DAB1: variants seen among roughly 807,000 people sequenced by gnomAD.
DAB1 encodes the protein DAB adaptor protein 1, also known as disabled homolog 1.
Under a neutral mutation model 64.6 loss-of-function variants are expected in DAB1, and 15 were observed. The observed-to-expected ratio is 0.23, with a 90% confidence interval of 0.16 to 0.36. DAB1 has a LOEUF of 0.36. Ranked by LOEUF, DAB1 falls within the 10% of genes least tolerant of loss-of-function variation. The probability of loss-of-function intolerance (pLI) is 1.00; values close to 1 mark genes in which losing one functional copy is unlikely to be tolerated. For missense variants in DAB1, 596 were observed against 706.7 expected (o/e 0.84, Z 1.78); for synonymous variants, 235 against 251.9 (o/e 0.93, Z 0.64).
intron 6 of DAB1, among the ~76,000 whole-genome samples, chr1:57,750,153 T>C (rs745731059): frequency 6.6e-5 from 10 of 152,318 alleles, no homozygotes; most frequent in East Asian, 5.8e-4. Flanking sequence ...ATGGATCTTT[T>C]CCTGGGATAT....
At chr1:57,986,090 T>C (rs1388322166) in intron 5 of DAB1, among the ~76,000 whole-genome samples, 2 of 152,174 alleles carry the variant, frequency 1.3e-5, no homozygotes, top group African/African-American at 4.8e-5. Flanking sequence ...GAGGCCAGTA[T>C]AGGACACACC....
intron 4 of DAB1, among the ~76,000 whole-genome samples, chr1:57,101,620 T>G (rs577690562): frequency 1.3e-5 from 2 of 152,356 alleles, no homozygotes; most frequent in East Asian, 3.9e-4. Context: ...CAATGCACAC[T>G]GTGGATTACA....
At chr1:58,048,874 C>T (rs1348454541) in intron 5 of DAB1, 2 of 936,882 alleles carry the variant, frequency 2.1e-6, no homozygotes, top group Admixed American at 1.7e-5. Context: ...TTGCCACTGC[C>T]TCAGTCAGTC....
intron 3 of DAB1, among the ~76,000 whole-genome samples, chr1:58,404,660 A>G (rs1644599878): frequency 6.6e-6 from 1 of 152,214 alleles, no homozygotes; most frequent in African/African-American, 2.4e-5. Context: ...GTGTGTTACA[A>G]AAGTTGTAAG....
chr1:57,551,129 G>A (rs796352509), intron 7 of DAB1, among the ~76,000 whole-genome samples: 33 of 152,196 alleles, frequency 2.2e-4, no homozygotes, highest in African/African-American at 7.5e-4. Flanking sequence ...ACAATAGCAC[G>A]TTCGTCTTGA....
intron 2 of DAB1, among the ~76,000 whole-genome samples, chr1:57,288,873 T>A (rs576368332): frequency 1.2e-4 from 18 of 152,274 alleles, no homozygotes; most frequent in Non-Finnish European, 2.2e-4. Flanking sequence ...AAGTAATAAG[T>A]ATTTTATTTG....
At chr1:57,174,013 T>C (rs1377411968) in intron 2 of DAB1, among the ~76,000 whole-genome samples, 1 of 152,208 alleles carries the variant, frequency 6.6e-6, no homozygotes, top group Non-Finnish European at 1.5e-5. Flanking sequence ...TGGTTACTTC[T>C]GCAAGCATCC....
At chr1:57,318,636 C>A (rs1185565544) in intron 1 of DAB1, among the ~76,000 whole-genome samples, 1 of 151,486 alleles carries the variant, frequency 6.6e-6, no homozygotes, top group Non-Finnish European at 1.5e-5. Context: ...TTGGATTCTT[C>A]CACCCTCTAT....
intron 7 of DAB1, among the ~76,000 whole-genome samples, chr1:57,439,041 A>C (rs1194171250): frequency 6.6e-6 from 1 of 152,206 alleles, no homozygotes; most frequent in Admixed American, 6.5e-5. Context: ...CCTTAGCCAG[A>C]GTGGTTGATT....
At chr1:58,169,117 C>T (rs1055243754) in intron 4 of DAB1, among the ~76,000 whole-genome samples, 3 of 152,108 alleles carry the variant, frequency 2.0e-5, no homozygotes, top group African/African-American at 7.2e-5. Flanking sequence ...GGTTCTTGGG[C>T]CAGAGGTGTT....
chr1:57,230,642 T>A (rs1271054060), intron 2 of DAB1, among the ~76,000 whole-genome samples: 1 of 149,084 alleles, frequency 6.7e-6, no homozygotes, highest in Non-Finnish European at 1.5e-5. Context: ...TGATATGTCA[T>A]AGCTTTACAT....
At chr1:57,006,418 C>G (rs938863641) in intron 14 of DAB1, among the ~76,000 whole-genome samples, 2 of 152,296 alleles carry the variant, frequency 1.3e-5, no homozygotes, top group Middle Eastern at 6.8e-3. Flanking sequence ...TGCCAGGAAC[C>G]TGGGTGTCAT....
At chr1:58,511,361 T>C (rs887165425) in intron 2 of DAB1, among the ~76,000 whole-genome samples, 1 of 151,994 alleles carries the variant, frequency 6.6e-6, no homozygotes, top group Non-Finnish European at 1.5e-5. Context: ...AAATATACAA[T>C]GGGAGGCCAG....
chr1:58,230,055 C>T (rs1289928346), intron 4 of DAB1, among the ~76,000 whole-genome samples: 2 of 152,184 alleles, frequency 1.3e-5, no homozygotes, highest in Non-Finnish European at 2.9e-5. Flanking sequence ...CACGCCATTG[C>T]TCCTACGTCC....
intron 5 of DAB1, among the ~76,000 whole-genome samples, chr1:58,103,132 C>T (rs547335039): frequency 1.8e-4 from 28 of 152,154 alleles, no homozygotes; most frequent in Non-Finnish European, 3.1e-4. Context: ...GCACCCGATA[C>T]GTGGTAATGC....
intron 4 of DAB1, among the ~76,000 whole-genome samples, chr1:58,247,134 A>G (rs1044747864): frequency 6.6e-6 from 1 of 152,174 alleles, no homozygotes; most frequent in Middle Eastern, 3.4e-3. Context: ...ATGAGCTGGG[A>G]GGCTCTGAGG....
At chr1:57,118,136 GAT>G in intron 4 of DAB1, among the ~76,000 whole-genome samples, 1 of 152,286 alleles carries the variant, frequency 6.6e-6, no homozygotes. Flanking sequence ...TTCCTTCTCT[GAT>G]ATTTTATCCA....
At chr1:58,295,804 C>G (rs1661958663) in intron 4 of DAB1, among the ~76,000 whole-genome samples, 1 of 151,916 alleles carries the variant, frequency 6.6e-6, no homozygotes, top group African/African-American at 2.4e-5. Context: ...AAAGGGGAGA[C>G]AGTTGGCTGG....
At chr1:57,869,523 C>T (rs1176242969) in intron 1 of DAB1, among the ~76,000 whole-genome samples, 3 of 152,060 alleles carry the variant, frequency 2.0e-5, no homozygotes, top group Non-Finnish European at 4.4e-5. Flanking sequence ...CTCTGAGCTC[C>T]TCATTTTACA....
Sources: gnomAD v4.1 joint callset for allele counts (sites outside exome capture counted in the v4.1 genomes callset) on GRCh38, gnomAD v4.1.1 for gene constraint, MANE v1.5 for transcripts, NCBI Gene and HGNC (gene_info 2026-07-23, HGNC 2026-07-21) for gene names.